The following NAV2 variants were observed in gnomAD, a reference collection of about 807,000 sequenced individuals.
NAV2 encodes the protein neuron navigator 2, also known as helicase, APC down-regulated 1.
NAV2 carries 54 observed loss-of-function variants against 223.2 expected under a neutral mutation model. That is an observed-to-expected ratio of 0.24 (90% CI 0.19 to 0.30). The LOEUF (loss-of-function observed/expected upper bound fraction) is 0.30, where lower values mean the gene tolerates loss of function less well. NAV2 is among the 10% of genes least tolerant of loss of function. The probability of loss-of-function intolerance (pLI) is 1.00; values close to 1 mark genes in which losing one functional copy is unlikely to be tolerated. For synonymous variants in NAV2, 1,279 were observed against 1,239.3 expected (o/e 1.03, Z -0.67); for missense variants, 2,806 against 3,147.5 (o/e 0.89, Z 2.60).
chr11:20,121,111 T>A lies in NAV2; in HGVS notation c.*2853T>A, dbSNP rs556357313. 1.3e-5 allele frequency: 2 copies of A among 152,608 alleles called. No individual in the cohort carries two copies. Among genetic ancestry groups the A allele is most frequent in the East Asian group, 3.9e-4 (2 of 5,178 alleles). The allele number at this position is 152,608 out of a possible 1,614,324, so 9.5% of individuals were successfully genotyped here. A position where few individuals can be genotyped will look rare whatever the true frequency, so the allele number is the denominator to read the frequency against. ...ATCTTTGTTGTATCTTGGGGACTTT[T>A]ACTTTGTTGTTTGATGCTTAAACTT... On this transcript the variant is annotated 3_prime_UTR_variant, in exon 38 of 38. Coordinates refer to ENST00000349880, the MANE Select transcript of NAV2 (RefSeq NM_145117.5).
chr11:19,395,318 T>C (rs10766548), intron 1 of NAV2, among the ~76,000 whole-genome samples: 93,636 of 152,208 alleles, frequency 0.62, 31,273 homozygotes, highest in Admixed American at 0.75. Flanking sequence ...ATAGCACTTG[T>C]TCCTCTTTGC....
chr11:20,038,021 CAAGGTAGGAG>C (rs2056565842), intron 12 of NAV2, among the ~76,000 whole-genome samples: 1 of 152,102 alleles, frequency 6.6e-6, no homozygotes, highest in African/African-American at 2.4e-5. Context: ...TTTTGACTTA[CAAGGTAGGAG>C]AAGCTTGCTC....
chr11:20,068,474 T>C (rs565060804), intron 22 of NAV2, 76 bp downstream of exon 22: 5 of 1,063,744 alleles, frequency 4.7e-6, no homozygotes, highest in African/African-American at 1.6e-5. Flanking sequence ...CAAGTCCTCC[T>C]GTGCTGAACA....
chr11:19,593,742 G>T (rs1325001132), intron 1 of NAV2, among the ~76,000 whole-genome samples: 2 of 54,836 alleles, frequency 3.6e-5, no homozygotes, highest in African/African-American at 1.1e-4. Context: ...TGCTCTAAAA[G>T]GTATGTAGTG....
At chr11:19,925,135 TTTG>T (rs1418959895) in intron 6 of NAV2, among the ~76,000 whole-genome samples, 1 of 152,212 alleles carries the variant, frequency 6.6e-6, no homozygotes, top group African/African-American at 2.4e-5. Context: ...TCCGGTTGTT[TTTG>T]TTGAGTTGGA....
chr11:20,098,526 A>G (rs1038613475), intron 31 of NAV2, among the ~76,000 whole-genome samples: 1 of 152,204 alleles, frequency 6.6e-6, no homozygotes, highest in African/African-American at 2.4e-5. Context: ...GTGTTGTCTC[A>G]TTTCTTACTT....
chr11:19,904,205 T>C (rs1368160688), intron 6 of NAV2, among the ~76,000 whole-genome samples: 1 of 152,230 alleles, frequency 6.6e-6, no homozygotes, highest in Non-Finnish European at 1.5e-5. Context: ...TATACATTCA[T>C]GTACTTGGAA....
intron 1 of NAV2, among the ~76,000 whole-genome samples, chr11:19,606,131 A>T (rs1456847371): frequency 6.6e-6 from 1 of 152,214 alleles, no homozygotes; most frequent in Non-Finnish European, 1.5e-5. Context: ...AGCTTGCTTT[A>T]TTGCAGTTAG....
Position 20,101,014 on chromosome 11 carries a change from C to A in NAV2, c.6259C>A (p.Leu2087Ile). ...GCCCATCCTGCAGCGCTACGTCTCCCTCCTGATAGAGCACCGTCGGATCAT... is the reference window on the plus strand; with the variant it reads ...GCCCATCCTGCAGCGCTACGTCTCCATCCTGATAGAGCACCGTCGGATCAT... ...PKPILQRYVS[L>I]LIEHRRIILS... Residue 2087 changes from leucine (L) to isoleucine (I), a missense_variant, in exon 32 of 38, where the codon CTC (leucine) becomes ATC (isoleucine). Around this residue, in one of 4 missense-constraint regions of NAV2, gnomAD observed 824 missense variants for 1,069.4 expected, o/e 0.77. Transcript: ENST00000349880. The A allele has an allele frequency of 6.2e-7, 1 of 1,614,174 alleles. No individual in the cohort carries two copies. The highest frequency in any genetic ancestry group is 8.5e-7 in the Non-Finnish European group (1 of 1,180,026).
chr11:19,797,528 T>C (rs2152752743), intron 1 of NAV2, among the ~76,000 whole-genome samples: 1 of 152,314 alleles, frequency 6.6e-6, no homozygotes, highest in African/African-American at 2.4e-5. Context: ...TTCTGTGCTA[T>C]TTTTTAATGC....
chr11:19,529,546 C>T (rs942654981), intron 1 of NAV2, among the ~76,000 whole-genome samples: 5 of 152,190 alleles, frequency 3.3e-5, no homozygotes, highest in South Asian at 2.1e-4. Context: ...AGCCCTTACC[C>T]GAATGGAAGT....
chr11:19,382,203 G>C (rs1381350404), intron 1 of NAV2, among the ~76,000 whole-genome samples: 1 of 152,178 alleles, frequency 6.6e-6, no homozygotes, highest in Non-Finnish European at 1.5e-5. Flanking sequence ...AGTGTCCTCG[G>C]GAGTGGAATA....
chr11:19,971,750 C>A (rs1349766158), intron 10 of NAV2, among the ~76,000 whole-genome samples: 1 of 152,230 alleles, frequency 6.6e-6, no homozygotes, highest in African/African-American at 2.4e-5. Context: ...GTCACCCAGG[C>A]TGGAGTGCAG....
intron 10 of NAV2, among the ~76,000 whole-genome samples, chr11:19,955,975 T>G (rs1045988541): frequency 6.6e-6 from 1 of 152,090 alleles, no homozygotes; most frequent in East Asian, 1.9e-4. Flanking sequence ...ATCTCGAGAT[T>G]TGGAAAGGAT....
At chr11:19,655,694 A>G (rs896076843) in intron 1 of NAV2, among the ~76,000 whole-genome samples, 1 of 140,682 alleles carries the variant, frequency 7.1e-6, no homozygotes, top group Admixed American at 7.7e-5. Flanking sequence ...TTGAACAATG[A>G]GAACACATGG....
At chr11:20,033,396 T>C (rs552129763) in intron 11 of NAV2, among the ~76,000 whole-genome samples, 124 of 152,230 alleles carry the variant, frequency 8.1e-4, no homozygotes, top group African/African-American at 2.9e-3. Flanking sequence ...TAGAAGCAAA[T>C]AGAAATGTGT....
intron 3 of NAV2, among the ~76,000 whole-genome samples, chr11:19,859,623 G>A (rs532549371): frequency 0.021 from 3,142 of 151,976 alleles, 107 homozygotes; most frequent in African/African-American, 0.073. Context: ...AACCGCCATC[G>A]TCATCATGGC....
Position 20,074,764 on chromosome 11 carries a change from T to C in NAV2, c.4984-2788T>C, listed in dbSNP as rs919494855. 7.1e-5 allele frequency among the ~76,000 whole-genome samples: 10 copies of C among 140,802 alleles called. 1 individual carries two copies. The highest frequency in any genetic ancestry group is 5.5e-5 in the African/African-American group (2 of 36,056). The allele number at this position is 140,802 out of a possible 152,430, so 92.4% of individuals were successfully genotyped here. A position where few individuals can be genotyped will look rare whatever the true frequency, so the allele number is the denominator to read the frequency against. ...GAGACTAGGATTGCAACTCTGCTTTTTTTTTTTTTTTTGCTTTCCATTTGC... is the reference window on the plus strand; with the variant it reads ...GAGACTAGGATTGCAACTCTGCTTTCTTTTTTTTTTTTGCTTTCCATTTGC... On this transcript the variant is annotated intron_variant, in intron 22 of 37. Transcript: ENST00000349880.
At chr11:19,882,998 A>G (rs941820937) in intron 5 of NAV2, among the ~76,000 whole-genome samples, 2 of 152,212 alleles carry the variant, frequency 1.3e-5, no homozygotes, top group African/African-American at 4.8e-5. Flanking sequence ...TTTAAGAATG[A>G]TAAAATTACA....
Sources: allele counts gnomAD v4.1 joint callset (sites outside exome capture counted in the v4.1 genomes callset), GRCh38; gene constraint gnomAD v4.1.1; regional missense constraint gnomAD v4.1.1; transcripts MANE v1.5; gene names NCBI Gene and HGNC (gene_info 2026-07-23, HGNC 2026-07-21).